KPNA1: variants seen among roughly 807,000 people sequenced by gnomAD.
KPNA1 encodes the protein karyopherin subunit alpha 1.
KPNA1 carries 10 observed loss-of-function variants against 70.5 expected under a neutral mutation model. The ratio of observed to expected loss-of-function variants is 0.14; its 90% CI spans 0.09 to 0.24. KPNA1 has a LOEUF of 0.24. Among genes scored for constraint, KPNA1 ranks in the 10% least tolerant of loss-of-function variants. The pLI is 1.00. For synonymous variants in KPNA1, 192 were observed against 221.9 expected, an observed-to-expected ratio of 0.87 and a Z score of 1.20; for missense variants, 397 against 637.9, an observed-to-expected ratio of 0.62 and a Z score of 4.07.
intron 6 of KPNA1, among the ~76,000 whole-genome samples, 161 bp from the exon 7 acceptor site, chr3:122,452,225 CAG>C (rs959835684): frequency 6.6e-6 from 1 of 152,104 alleles, no homozygotes; most frequent in African/African-American, 2.4e-5. Context: ...GTACAACAAA[CAG>C]AAGGTATTCG....
chr3:122,476,551 G>A (rs953607108), intron 2 of KPNA1, among the ~76,000 whole-genome samples: 1 of 151,756 alleles, frequency 6.6e-6, no homozygotes, highest in Non-Finnish European at 1.5e-5. Flanking sequence ...AATATATAAG[G>A]AACTCAAAAA....
rs71136571 is a variant in KPNA1 at position 122,467,006 on chromosome 3, CATAAATAAATAAATAA to C, written c.237+300_237+315del. Among the ~76,000 whole-genome samples, 221 of 142,048 alleles carry C rather than the reference CATAAATAAATAAATAA, an allele frequency of 1.6e-3. 2 individuals are homozygous for C. The highest frequency in any genetic ancestry group is 9.2e-3 in the South Asian group (40 of 4,330). The allele number at this position is 142,048 out of a possible 152,430, so 93.2% of individuals were successfully genotyped here. A position where few individuals can be genotyped will look rare whatever the true frequency, so the allele number is the denominator to read the frequency against. On this transcript the variant is annotated intron_variant, in intron 3 of 13. Coordinates refer to ENST00000344337, the MANE Select transcript of KPNA1 (RefSeq NM_002264.4). Reference sequence around the variant, plus strand: ...ACACAGCAAGACCCTGTCTCTAAAACATAAATAAATAAATAAATAAATAAATAAATAAATAAATAAA... The same window carrying C: ...ACACAGCAAGACCCTGTCTCTAAAACATAAATAAATAAATAAATAAATAAA...
At chr3:122,431,069 TTAA>T (rs1361841929) in intron 12 of KPNA1, among the ~76,000 whole-genome samples, 2 of 152,268 alleles carry the variant, frequency 1.3e-5, no homozygotes, top group South Asian at 4.1e-4. Context: ...CTAATTTCAG[TTAA>T]TAATCCTTAT....
intron 1 of KPNA1, among the ~76,000 whole-genome samples, chr3:122,504,857 G>A (rs376371838): frequency 6.6e-6 from 1 of 151,818 alleles, no homozygotes; most frequent in Non-Finnish European, 1.5e-5. Context: ...AATGAGATTC[G>A]TTGCCCCCTC....
Position 122,425,399 on chromosome 3 carries a change from A to G in KPNA1, c.*1586T>C, listed in dbSNP as rs2075809107. The stretch of plus-strand genomic sequence containing the variant: ...GGGTTATAATGAATTCTAGAAGAGG[A>G]CAAGTCTAAAAAGGTTTAAAAGGGT... On this transcript the variant is annotated 3_prime_UTR_variant, in exon 14 of 14. Coordinates refer to ENST00000344337, the MANE Select transcript of KPNA1 (RefSeq NM_002264.4). The G allele has an allele frequency of 6.6e-6, 1 of 152,630 alleles. No individual in the cohort carries two copies. The highest frequency in any genetic ancestry group is 2.4e-5 in the African/African-American group (1 of 41,434). 9.5% of individuals were successfully genotyped at this position (152,630 alleles called of 1,614,324 possible).
intron 2 of KPNA1, among the ~76,000 whole-genome samples, chr3:122,494,065 A>G (rs2076730284): frequency 1.3e-5 from 2 of 152,226 alleles, no homozygotes; most frequent in South Asian, 4.2e-4. Context: ...ACTTTGTCAG[A>G]TAGTGTTAAC....
chr3:122,452,997 A>G (rs1055854937), intron 6 of KPNA1, among the ~76,000 whole-genome samples: 1 of 152,012 alleles, frequency 6.6e-6, no homozygotes, highest in Non-Finnish European at 1.5e-5. Flanking sequence ...CCGAGGCTGG[A>G]GTGCGGTGGT....
chr3:122,458,601 C>G (rs1455947429), intron 5 of KPNA1, among the ~76,000 whole-genome samples: 1 of 152,196 alleles, frequency 6.6e-6, no homozygotes, highest in African/African-American at 2.4e-5. Flanking sequence ...CATAGCATGA[C>G]TCTCCTTCTG....
At chr3:122,433,979 C>T (rs939245188) in intron 11 of KPNA1, among the ~76,000 whole-genome samples, 191 bp from the exon 12 acceptor site, 2 of 152,110 alleles carry the variant, frequency 1.3e-5, no homozygotes, top group Admixed American at 1.3e-4. Context: ...CTCTGTTGCC[C>T]AGGCTGGAGT....
At chr3:122,456,880 T>C (rs2076270467) in intron 5 of KPNA1, among the ~76,000 whole-genome samples, 1 of 152,216 alleles carries the variant, frequency 6.6e-6, no homozygotes, top group South Asian at 2.1e-4. Flanking sequence ...ACCATATTCA[T>C]GCATTAATAA....
rs562366752 is a variant in KPNA1, at chr3:122,438,911, G to T, written c.997-1616C>A. 2.6e-5 allele frequency among the ~76,000 whole-genome samples: 4 copies of T among 152,008 alleles called. No homozygotes were observed. The East Asian group carries it at 7.7e-4, about 29-fold the overall frequency. On this transcript the variant is annotated intron_variant, in intron 10 of 13. Coordinates refer to ENST00000344337, the MANE Select transcript of KPNA1 (RefSeq NM_002264.4). ...GAAACATGTTTTCATGTCAAAAATC[G>T]TAACAGATTTTAAATGTACACCATC...
chr3:122,436,284 G>T lies in KPNA1; in HGVS notation c.1122+886C>A, dbSNP rs140706102. Among the ~76,000 whole-genome samples, 334 of 152,286 alleles carry T rather than the reference G, an allele frequency of 2.2e-3. 3 individuals carry two copies. The highest frequency in any genetic ancestry group is 7.8e-3 in the African/African-American group (326 of 41,568). Reference sequence around the variant, plus strand: ...TAAGATGTTATCGATGACAATGCATGCCTGAAACCTCATTAGCAATTTTAA... The same window carrying T: ...TAAGATGTTATCGATGACAATGCATTCCTGAAACCTCATTAGCAATTTTAA... On this transcript the variant is annotated intron_variant, in intron 11 of 13. Coordinates refer to ENST00000344337, the MANE Select transcript of KPNA1 (RefSeq NM_002264.4).
At chr3:122,452,199 A>G (rs2076209210) in intron 6 of KPNA1, 135 bp from the exon 7 acceptor site, 3 of 737,568 alleles carry the variant, frequency 4.1e-6, no homozygotes, top group Non-Finnish European at 7.4e-6. Flanking sequence ...GAGGAAGATA[A>G]ATAATATCCT....
intron 5 of KPNA1, chr3:122,457,781 T>G: frequency 7.8e-7 from 1 of 1,289,878 alleles, no homozygotes; most frequent in Non-Finnish European, 1.0e-6. Context: ...TTTCTCCATT[T>G]GGATCAGGAC....
At chr3:122,468,742 G>A (rs989839944) in intron 2 of KPNA1, among the ~76,000 whole-genome samples, 1 of 152,158 alleles carries the variant, frequency 6.6e-6, no homozygotes, top group African/African-American at 2.4e-5. Context: ...GGCAATGTAA[G>A]GAGAGAGATG....
chr3:122,450,080 A>T (rs956068998), intron 8 of KPNA1, among the ~76,000 whole-genome samples: 3 of 152,244 alleles, frequency 2.0e-5, no homozygotes, highest in African/African-American at 7.2e-5. Context: ...TGTATTTTAG[A>T]TACTTTGTTA....
At chr3:122,484,400 C>T (rs1404803094) in intron 2 of KPNA1, among the ~76,000 whole-genome samples, 3 of 152,132 alleles carry the variant, frequency 2.0e-5, no homozygotes, top group African/African-American at 7.2e-5. Context: ...GTGGCTCACG[C>T]CTGTAATTCC....
At chr3:122,438,839 T>A (rs2076025184) in intron 10 of KPNA1, among the ~76,000 whole-genome samples, 1 of 152,202 alleles carries the variant, frequency 6.6e-6, no homozygotes, top group African/African-American at 2.4e-5. Flanking sequence ...AGACTGTATG[T>A]ATGAGCATAA....
chr3:122,500,305 A>T (rs2107502433), intron 1 of KPNA1, among the ~76,000 whole-genome samples: 1 of 152,028 alleles, frequency 6.6e-6, no homozygotes, highest in Non-Finnish European at 1.5e-5. Flanking sequence ...TATTTTTAGT[A>T]GAGACAGCGT....
Sources: allele counts gnomAD v4.1 joint callset (sites outside exome capture counted in the v4.1 genomes callset), GRCh38; gene constraint gnomAD v4.1.1; transcripts MANE v1.5; gene names NCBI Gene and HGNC (gene_info 2026-07-23, HGNC 2026-07-21).